The following DMRT1 variants were observed in gnomAD, a reference collection of about 807,000 sequenced individuals.
DMRT1 encodes the protein doublesex and mab-3 related transcription factor 1, also known as doublesex- and mab-3-related transcription factor 1.
Under a neutral mutation model 32.3 loss-of-function variants are expected in DMRT1, and 7 were observed. That is an observed-to-expected ratio of 0.22 (90% CI 0.12 to 0.41). The LOEUF is 0.41. Ranked by LOEUF, DMRT1 falls within the 10% of genes least tolerant of loss-of-function variation. The pLI, the probability that DMRT1 is intolerant of heterozygous loss-of-function variation, is 1.00. For missense variants in DMRT1, 625 were observed against 500.5 expected (o/e 1.25, Z -2.37); for synonymous variants, 278 against 206.1 (o/e 1.35, Z -2.99).
Position 916,753 on chromosome 9 carries a change from T to C in DMRT1, c.823-10T>C, listed in dbSNP as rs1305884475. ...TGATCTCAGTATATTTCTTCTTTTTTCTTAAGCAGATGAAGAACATGGAGA... is the reference window on the plus strand; with the variant it reads ...TGATCTCAGTATATTTCTTCTTTTTCCTTAAGCAGATGAAGAACATGGAGA... On this transcript the variant is annotated splice_polypyrimidine_tract_variant and intron_variant, in intron 3 of 4. Transcript: ENST00000382276. The C allele has an allele frequency of 3.1e-6, 5 of 1,613,996 alleles. No homozygotes were observed. Among genetic ancestry groups the C allele is most frequent in the East Asian group, 2.2e-5 (1 of 44,904 alleles).
chr9:910,958 A>AAT (rs2129737412), intron 3 of DMRT1, among the ~76,000 whole-genome samples: 1 of 152,254 alleles, frequency 6.6e-6, no homozygotes, highest in South Asian at 2.1e-4. Context: ...AAAGGAGAAA[A>AAT]ATATATATCC....
intron 3 of DMRT1, among the ~76,000 whole-genome samples, chr9:911,453 T>A (rs1249583381): frequency 6.7e-6 from 1 of 149,070 alleles, no homozygotes; most frequent in African/African-American, 2.5e-5. Flanking sequence ...TGCCATGCCT[T>A]TTTCTGGGTT....
chr9:846,854 C>A (rs1838926814), intron 1 of DMRT1, 106 bp from the exon 2 acceptor site: 2 of 1,365,186 alleles, frequency 1.5e-6, no homozygotes, highest in Non-Finnish European at 2.1e-6. Context: ...TCAGACCTCA[C>A]CTCCAGAGCT....
intron 4 of DMRT1, among the ~76,000 whole-genome samples, chr9:930,775 C>A (rs1488211672): frequency 8.3e-6 from 1 of 121,090 alleles, no homozygotes; most frequent in African/African-American, 5.4e-5. Context: ...AACTCTGGGC[C>A]TCAAGCGGCC....
chr9:909,889 T>G (rs923594375), intron 3 of DMRT1, among the ~76,000 whole-genome samples: 1 of 152,112 alleles, frequency 6.6e-6, no homozygotes, highest in Non-Finnish European at 1.5e-5. Context: ...ATTTTTTAAA[T>G]TTTTTGTAGA....
At chr9:904,021 T>A (rs1295196671) in intron 3 of DMRT1, among the ~76,000 whole-genome samples, 1 of 152,244 alleles carries the variant, frequency 6.6e-6, no homozygotes, top group Non-Finnish European at 1.5e-5. Context: ...TGTAAAGTGC[T>A]GATGTACTCC....
intron 4 of DMRT1, among the ~76,000 whole-genome samples, chr9:919,658 T>A (rs1273706821): frequency 2.0e-5 from 3 of 152,132 alleles, no homozygotes; most frequent in Non-Finnish European, 2.9e-5. Context: ...CACAGGGTGA[T>A]TTGTCTGTCT....
chr9:875,004 G>T (rs1816436027), intron 2 of DMRT1, among the ~76,000 whole-genome samples: 1 of 151,564 alleles, frequency 6.6e-6, no homozygotes, highest in Non-Finnish European at 1.5e-5. Flanking sequence ...TAGAGACGGG[G>T]TTTCACTATG....
At chr9:870,757 G>A (rs538357063) in intron 2 of DMRT1, among the ~76,000 whole-genome samples, 324 of 114,026 alleles carry the variant, frequency 2.8e-3, no homozygotes, top group Middle Eastern at 8.9e-3. Context: ...CATTGCCCAC[G>A]CTGGAGTGCA....
At chr9:892,270 C>T (rs537290899) in intron 2 of DMRT1, among the ~76,000 whole-genome samples, 5 of 152,260 alleles carry the variant, frequency 3.3e-5, no homozygotes, top group Non-Finnish European at 5.9e-5. Context: ...CAGGTCTTGG[C>T]TCTCCTTTAT....
At chr9:941,317 A>G (rs1161422140) in intron 4 of DMRT1, among the ~76,000 whole-genome samples, 1 of 140,996 alleles carries the variant, frequency 7.1e-6, no homozygotes, top group Non-Finnish European at 1.5e-5. Flanking sequence ...GCGTGTGCGC[A>G]CACACACCCC....
At position 861,979 on chromosome 9, in the gene DMRT1, G is replaced by A. The variant is rs1489515832; in HGVS notation, c.538+14836G>A. ...CAGAGACGCTCCTCACTTCCTAGAC[G>A]GGATGACGGCCGGGAAGAGGTGCTC... On this transcript the variant is annotated intron_variant, in intron 2 of 4. Coordinates refer to ENST00000382276, the MANE Select transcript of DMRT1 (RefSeq NM_021951.3). Among the ~76,000 whole-genome samples the A allele has an allele frequency of 1.4e-3, 216 of 151,392 alleles. 2 individuals carry two copies. The highest frequency in any genetic ancestry group is 5.0e-3 in the African/African-American group (207 of 41,320).
In DMRT1 at chr9:911,470, A is replaced by ATTTTTTTT. The variant is rs201141931; in HGVS notation, c.823-5259_823-5252dup. ...CCATGCCTTTTTCTGGGTTAATTGCATTTTTTTTTTTTTTTTTTTTTTTTT... is the reference window on the plus strand; with the variant it reads ...CCATGCCTTTTTCTGGGTTAATTGCATTTTTTTTTTTTTTTTTTTTTTTTTTTTTTTTT... On this transcript the variant is annotated intron_variant, in intron 3 of 4. Transcript: ENST00000382276. Among the ~76,000 whole-genome samples, 32 of 66,998 alleles carry ATTTTTTTT rather than the reference A, an allele frequency of 4.8e-4. 6 individuals carry two copies. Among genetic ancestry groups the ATTTTTTTT allele is most frequent in the South Asian group, 1.4e-3 (3 of 2,194 alleles). 44.0% of individuals were successfully genotyped at this position (66,998 alleles called of 152,430 possible). A position where few individuals can be genotyped will look rare whatever the true frequency, so the allele number is the denominator to read the frequency against.
At position 894,303 on chromosome 9, in the gene DMRT1, G is replaced by T. The variant is rs1817268704; in HGVS notation, c.822+108G>T. 5.8e-6 allele frequency: 7 copies of T among 1,209,666 alleles called. No individual in the cohort carries two copies. The South Asian group carries it at 7.3e-5, about 13-fold the overall frequency. 74.9% of individuals were successfully genotyped at this position (1,209,666 alleles called of 1,614,324 possible). A position where few individuals can be genotyped will look rare whatever the true frequency, so the allele number is the denominator to read the frequency against. ...CACACACGCACTTGTGCGCCCAGAG[G>T]CACACACAGGTGACACACACAGGTA... On this transcript the variant is annotated intron_variant, in intron 3 of 4. Coordinates refer to ENST00000382276, the MANE Select transcript of DMRT1 (RefSeq NM_021951.3).
At chr9:848,991 C>T (rs1482037441) in intron 2 of DMRT1, among the ~76,000 whole-genome samples, 2 of 150,036 alleles carry the variant, frequency 1.3e-5, no homozygotes, top group Non-Finnish European at 3.0e-5. Context: ...AGCTGTGGGG[C>T]TGAGATGAGA....
intron 2 of DMRT1, among the ~76,000 whole-genome samples, chr9:871,715 T>A (rs12342336): frequency 4.2e-5 from 6 of 142,954 alleles, no homozygotes; most frequent in African/African-American, 1.4e-4. Context: ...ACCTCGTGAT[T>A]CGCCCGCCTC....
At chr9:907,115 AAC>A (rs1407119920) in intron 3 of DMRT1, among the ~76,000 whole-genome samples, 1 of 152,224 alleles carries the variant, frequency 6.6e-6, no homozygotes, top group Admixed American at 6.5e-5. Flanking sequence ...CATCCGTACA[AAC>A]ACACACCCCA....
At chr9:924,296 T>A (rs1189240020) in intron 4 of DMRT1, among the ~76,000 whole-genome samples, 1 of 152,162 alleles carries the variant, frequency 6.6e-6, no homozygotes, top group Non-Finnish European at 1.5e-5. Context: ...GGTCTCGAAC[T>A]CCTGACCTCA....
intron 3 of DMRT1, among the ~76,000 whole-genome samples, chr9:905,051 A>G (rs1817719589): frequency 6.6e-6 from 1 of 152,214 alleles, no homozygotes; most frequent in South Asian, 2.1e-4. Flanking sequence ...TGGCATGCCA[A>G]GAGGCAGGGT....
Sources: allele counts gnomAD v4.1 joint callset (sites outside exome capture counted in the v4.1 genomes callset), GRCh38; gene constraint gnomAD v4.1.1; transcripts MANE v1.5; gene names NCBI Gene and HGNC (gene_info 2026-07-23, HGNC 2026-07-21).